Variants in SEL1L2 observed in about 807,000 individuals in gnomAD.
SEL1L2 encodes the protein SEL1L2 adaptor subunit of SYVN1 ubiquitin ligase.
SEL1L2 carries 89 observed loss-of-function variants against 98.8 expected under a neutral mutation model. That is an observed-to-expected ratio of 0.90 (90% CI 0.76 to 1.07). The LOEUF (loss-of-function observed/expected upper bound fraction) is 1.07. SEL1L2 is among the 50% of genes least tolerant of loss of function. The pLI is 0.00. For missense variants in SEL1L2, 788 were observed against 812.0 expected, an observed-to-expected ratio of 0.97 and a Z score of 0.36; for synonymous variants, 262 against 278.5, an observed-to-expected ratio of 0.94 and a Z score of 0.59.
intron 2 of SEL1L2, among the ~76,000 whole-genome samples, chr20:13,951,194 G>A (rs1231358406): frequency 7.0e-6 from 1 of 143,016 alleles, no homozygotes; most frequent in African/African-American, 2.6e-5. Context: ...GGAGAATGGC[G>A]TGAATCTGGG....
intron 1 of SEL1L2, among the ~76,000 whole-genome samples, chr20:13,957,807 A>G (rs1210903164): frequency 3.9e-5 from 6 of 152,100 alleles, no homozygotes; most frequent in Non-Finnish European, 8.8e-5. Flanking sequence ...AGCCCGGGAA[A>G]TCAAGGCTGC....
chr20:13,977,905 T>C (rs1164801994), intron 1 of SEL1L2, among the ~76,000 whole-genome samples: 1 of 152,152 alleles, frequency 6.6e-6, no homozygotes, highest in African/African-American at 2.4e-5. Context: ...AAAATTAATA[T>C]TGTAAAAATG....
At chr20:13,965,353 A>T (rs1395810384) in intron 1 of SEL1L2, among the ~76,000 whole-genome samples, 1 of 152,170 alleles carries the variant, frequency 6.6e-6, no homozygotes, top group Non-Finnish European at 1.5e-5. Flanking sequence ...GGAATAAATG[A>T]CTAGAAGTGT....
chr20:13,876,102 C>T lies in SEL1L2; in HGVS notation c.1040G>A (p.Gly347Glu), dbSNP rs2046416395. 6.2e-7 allele frequency: 1 copy of T among 1,612,790 alleles called. No homozygotes were observed. Among genetic ancestry groups the T allele is most frequent in the African/African-American group, 1.3e-5 (1 of 74,876 alleles). The part of the protein sequence containing the change: ...MAFIGKMYLE[G>E]NAAVPQNNAT... ...GTTATTTTGCGGCACGGCAGCATTCCCCTCTAAATACATCTAGGAAGAAAA... is the reference window on the plus strand; with the variant it reads ...GTTATTTTGCGGCACGGCAGCATTCTCCTCTAAATACATCTAGGAAGAAAA... Residue 347 changes from glycine to glutamate, a missense_variant, in exon 12 of 20, where the codon GGG (glycine) becomes GAG (glutamate). Physicochemically the swap from Gly to Glu is moderately conservative, Grantham distance 98 (BLOSUM62 -2). Coordinates refer to ENST00000284951, the MANE Select transcript of SEL1L2 (RefSeq NM_025229.2).
chr20:13,970,313 T>A (rs187422850), intron 1 of SEL1L2, among the ~76,000 whole-genome samples: 29 of 152,248 alleles, frequency 1.9e-4, no homozygotes, highest in African/African-American at 6.5e-4. Flanking sequence ...GGATAGACAT[T>A]TATGATGTTT....
upstream of SEL1L2, among the ~76,000 whole-genome samples, chr20:13,993,781 G>A (rs925210324): frequency 8.6e-5 from 13 of 152,000 alleles, no homozygotes; most frequent in African/African-American, 3.1e-4. Context: ...TTGCTATTTT[G>A]CCCCCTTACC....
Position 13,990,607 on chromosome 20 carries a change from C to T in SEL1L2, c.-73G>A. The T allele has an allele frequency of 8.3e-7, 1 of 1,199,570 alleles. No individual in the cohort carries two copies. Among genetic ancestry groups the T allele is most frequent in the Non-Finnish European group, 1.2e-6 (1 of 814,026 alleles). 74.3% of individuals were successfully genotyped at this position (1,199,570 alleles called of 1,614,324 possible). ...TGATTGGCCCAAGAGCTCCTCTTCT[C>T]AGGGACTGTGGTGGGGGCAGGAGTC... On this transcript the variant is annotated 5_prime_UTR_variant, in exon 1 of 20. Transcript: ENST00000284951.
chr20:13,856,577 A>G (rs900478015), intron 18 of SEL1L2, among the ~76,000 whole-genome samples: 1 of 152,184 alleles, frequency 6.6e-6, no homozygotes, highest in Non-Finnish European at 1.5e-5. Context: ...TCCCAGAACA[A>G]TGATGCAGTC....
chr20:13,986,302 T>C (rs981881396), intron 1 of SEL1L2, among the ~76,000 whole-genome samples: 1 of 152,196 alleles, frequency 6.6e-6, no homozygotes, highest in Non-Finnish European at 1.5e-5. Flanking sequence ...TAAGTGACAT[T>C]TAGTGCATTC....
upstream of SEL1L2, among the ~76,000 whole-genome samples, chr20:13,992,500 G>A (rs992992766): frequency 7.2e-5 from 11 of 151,928 alleles, no homozygotes; most frequent in Non-Finnish European, 1.0e-4. Flanking sequence ...GTGAAACTCC[G>A]TCTCAAAAAA....
chr20:13,886,183 T>C (rs1431022978), intron 9 of SEL1L2, 105 bp downstream of exon 9: 3 of 735,398 alleles, frequency 4.1e-6, no homozygotes, highest in Non-Finnish European at 6.3e-6. Context: ...TCTCCCCCCA[T>C]TCCTATTTAG....
At chr20:13,859,798 C>T (rs1485945964) in intron 17 of SEL1L2, among the ~76,000 whole-genome samples, 1 of 152,174 alleles carries the variant, frequency 6.6e-6, no homozygotes, top group Non-Finnish European at 1.5e-5. Flanking sequence ...CTCTCAGGTT[C>T]AAGCGATTCT....
At chr20:13,872,046 G>A (rs1483903326) in intron 12 of SEL1L2, among the ~76,000 whole-genome samples, 3 of 152,156 alleles carry the variant, frequency 2.0e-5, no homozygotes. Flanking sequence ...CATATGAAAT[G>A]ATCTGCTATT....
At chr20:13,929,794 C>A (rs778531953) in intron 3 of SEL1L2, among the ~76,000 whole-genome samples, 2 of 144,598 alleles carry the variant, frequency 1.4e-5, no homozygotes, top group Admixed American at 1.4e-4. Flanking sequence ...GCCACGTGCC[C>A]GGCCTTTTTT....
At chr20:13,983,767 C>T (rs2051995779) in intron 1 of SEL1L2, among the ~76,000 whole-genome samples, 1 of 152,016 alleles carries the variant, frequency 6.6e-6, no homozygotes, top group Non-Finnish European at 1.5e-5. Flanking sequence ...GTGATCTGCC[C>T]GCCTGGACCT....
intron 1 of SEL1L2, among the ~76,000 whole-genome samples, chr20:13,974,276 C>T (rs1031130126): frequency 2.2e-4 from 33 of 152,014 alleles, no homozygotes; most frequent in African/African-American, 5.6e-4. Context: ...CTCTCTGATG[C>T]ATTTAAGAAG....
At chr20:13,881,043 C>A (rs2046677359) in intron 10 of SEL1L2, among the ~76,000 whole-genome samples, 1 of 152,132 alleles carries the variant, frequency 6.6e-6, no homozygotes, top group African/African-American at 2.4e-5. Flanking sequence ...GAGATGGAGT[C>A]TCACTCTGTC....
At chr20:13,890,675 C>T (rs1347567447) in intron 5 of SEL1L2, among the ~76,000 whole-genome samples, 1 of 151,930 alleles carries the variant, frequency 6.6e-6, no homozygotes, top group Non-Finnish European at 1.5e-5. Flanking sequence ...CTGAAATCAA[C>T]CTTAAAGAAA....
At chr20:13,914,877 G>A (rs1004435590) in intron 4 of SEL1L2, among the ~76,000 whole-genome samples, 8 of 152,122 alleles carry the variant, frequency 5.3e-5, no homozygotes, top group African/African-American at 1.4e-4. Context: ...TGCACTCTTC[G>A]AGACCCAGTC....
Sources: allele counts gnomAD v4.1 joint callset (sites outside exome capture counted in the v4.1 genomes callset), GRCh38; gene constraint gnomAD v4.1.1; transcripts MANE v1.5; gene names NCBI Gene and HGNC (gene_info 2026-07-23, HGNC 2026-07-21).